Variants in SCHIP1 observed in about 807,000 individuals in gnomAD.
The protein encoded by SCHIP1 is schwannomin-interacting protein 1.
SCHIP1 carries 8 observed loss-of-function variants against 29.7 expected under a neutral mutation model. That is an observed-to-expected ratio of 0.27 (90% CI 0.16 to 0.49). SCHIP1 has a LOEUF of 0.49. Among genes scored for constraint, SCHIP1 ranks in the 20% least tolerant of loss-of-function variants. The probability of loss-of-function intolerance (pLI) is 0.99; values close to 1 mark genes in which losing one functional copy is unlikely to be tolerated. For missense variants in SCHIP1, 193 were observed against 294.6 expected, an observed-to-expected ratio of 0.66 and a Z score of 2.52; for synonymous variants, 76 against 94.9, an observed-to-expected ratio of 0.80 and a Z score of 1.16.
chr3:159,406,643 A>G, the SCHIP1 span, among the ~76,000 whole-genome samples: 1 of 152,274 alleles, frequency 6.6e-6, no homozygotes, highest in African/African-American at 2.4e-5. Flanking sequence ...GAATACAAAG[A>G]CTAAAGGATG....
At chr3:159,438,660 T>C in the SCHIP1 span, among the ~76,000 whole-genome samples, 177 of 152,216 alleles carry the variant, frequency 1.2e-3, 1 homozygote, top group African/African-American at 4.2e-3. Flanking sequence ...CCCTTTGACA[T>C]ACCCCAGTGT....
chr3:159,362,319 G>A, the SCHIP1 span, among the ~76,000 whole-genome samples: 1 of 152,206 alleles, frequency 6.6e-6, no homozygotes, highest in African/African-American at 2.4e-5. Flanking sequence ...AAAGGATGGT[G>A]CAGAATTTTG....
chr3:159,748,243 T>A, the SCHIP1 span, among the ~76,000 whole-genome samples: 1 of 152,354 alleles, frequency 6.6e-6, no homozygotes, highest in African/African-American at 2.4e-5. Context: ...ATTTCAGAGA[T>A]ATCAAAATTA....
chr3:159,713,472 G>T, the SCHIP1 span, among the ~76,000 whole-genome samples: 1 of 151,876 alleles, frequency 6.6e-6, no homozygotes, highest in African/African-American at 2.4e-5. Flanking sequence ...CACTTACAAA[G>T]GTATTTATTA....
At chr3:159,653,259 A>T in the SCHIP1 span, among the ~76,000 whole-genome samples, 2 of 152,200 alleles carry the variant, frequency 1.3e-5, no homozygotes, top group African/African-American at 4.8e-5. Context: ...AAGGATTATA[A>T]ATCATTCTAC....
the SCHIP1 span, among the ~76,000 whole-genome samples, chr3:159,653,914 A>G: frequency 6.6e-6 from 1 of 152,150 alleles, no homozygotes; most frequent in Admixed American, 6.5e-5. Context: ...TCATCTTTAC[A>G]AATTATATGA....
At chr3:159,367,917 G>A in the SCHIP1 span, among the ~76,000 whole-genome samples, 1 of 152,094 alleles carries the variant, frequency 6.6e-6, no homozygotes, top group Admixed American at 6.5e-5. Flanking sequence ...CAGAATTAGT[G>A]GACACCTTTA....
At chr3:159,562,023 A>G in the SCHIP1 span, among the ~76,000 whole-genome samples, 1 of 152,192 alleles carries the variant, frequency 6.6e-6, no homozygotes, top group African/African-American at 2.4e-5. Context: ...CTAAGCATAC[A>G]AGGATATACA....
chr3:159,670,693 T>A, the SCHIP1 span, among the ~76,000 whole-genome samples: 1,001 of 151,026 alleles, frequency 6.6e-3, 25 homozygotes, highest in Admixed American at 0.051. Flanking sequence ...TGATGGTATC[T>A]TAGAATTTTT....
chr3:159,585,747 C>A, the SCHIP1 span, among the ~76,000 whole-genome samples: 1 of 152,126 alleles, frequency 6.6e-6, no homozygotes, highest in South Asian at 2.1e-4. Flanking sequence ...AATTAGCAAT[C>A]TGACCCTATA....
At chr3:159,804,672 G>A in the SCHIP1 span, among the ~76,000 whole-genome samples, 1 of 152,200 alleles carries the variant, frequency 6.6e-6, no homozygotes, top group Non-Finnish European at 1.5e-5. Context: ...TACTTGAGAT[G>A]CCTTCAGTCA....
chr3:159,881,756 C>T (rs1037362660), intron 2 of SCHIP1, among the ~76,000 whole-genome samples: 2 of 152,214 alleles, frequency 1.3e-5, no homozygotes, highest in African/African-American at 4.8e-5. Context: ...TTTAAAAAGC[C>T]ATCCACGTCA....
At chr3:159,878,647 G>A (rs1295361380) in intron 2 of SCHIP1, among the ~76,000 whole-genome samples, 53 of 148,760 alleles carry the variant, frequency 3.6e-4, no homozygotes, top group Non-Finnish European at 4.5e-4. Flanking sequence ...GCGTAGTGGC[G>A]GGCGCCTGTA....
At chr3:159,652,720 G>GA in the SCHIP1 span, among the ~76,000 whole-genome samples, 1 of 150,542 alleles carries the variant, frequency 6.6e-6, no homozygotes, top group African/African-American at 2.4e-5. Context: ...GGGCAGGAGT[G>GA]AAAAAAGCCA....
chr3:159,475,459 GT>G, the SCHIP1 span, among the ~76,000 whole-genome samples: 5 of 152,038 alleles, frequency 3.3e-5, no homozygotes, highest in Non-Finnish European at 7.4e-5. Context: ...TAGGTATAGG[GT>G]TTTTTTGGCA....
chr3:159,689,916 G>A, the SCHIP1 span, among the ~76,000 whole-genome samples: 4 of 152,190 alleles, frequency 2.6e-5, no homozygotes, highest in Admixed American at 1.3e-4. Flanking sequence ...ATTTGCATAT[G>A]TTTAACCAGC....
the SCHIP1 span, among the ~76,000 whole-genome samples, chr3:159,571,947 G>T: frequency 6.6e-6 from 1 of 152,152 alleles, no homozygotes; most frequent in East Asian, 1.9e-4. Context: ...ATGGTAGTTT[G>T]TATTTCTGTG....
At chr3:159,866,578 C>T (rs1197400797) in intron 2 of SCHIP1, among the ~76,000 whole-genome samples, 1 of 152,066 alleles carries the variant, frequency 6.6e-6, no homozygotes, top group African/African-American at 2.4e-5. Context: ...AAGCCACACT[C>T]CTAAGCAAGC....
the SCHIP1 span, among the ~76,000 whole-genome samples, chr3:159,798,153 A>G: frequency 7.2e-4 from 110 of 152,332 alleles, no homozygotes; most frequent in African/African-American, 2.5e-3. Context: ...ATGGCCTCCT[A>G]TAAATTTTAT....
Sources: allele counts gnomAD v4.1 joint callset (sites outside exome capture counted in the v4.1 genomes callset), GRCh38; gene constraint gnomAD v4.1.1; transcripts MANE v1.5; gene names NCBI Gene and HGNC (gene_info 2026-07-23, HGNC 2026-07-21).